QTMAN: variants seen among roughly 807,000 people sequenced by gnomAD.
QTMAN encodes the protein tRNA-queuosine alpha-mannosyltransferase.
At chr2:143,974,242 A>G in the QTMAN span, among the ~76,000 whole-genome samples, 2 of 152,204 alleles carry the variant, frequency 1.3e-5, no homozygotes. Flanking sequence ...CACTGCTGGT[A>G]GGAATATAAA....
chr2:144,267,391 A>T, the QTMAN span, among the ~76,000 whole-genome samples: 1 of 152,216 alleles, frequency 6.6e-6, no homozygotes, highest in African/African-American at 2.4e-5. Context: ...CTGAAAAGCC[A>T]AGGTCATGTG....
the QTMAN span, chr2:144,141,905 G>T: frequency 3.7e-6 from 6 of 1,610,774 alleles, no homozygotes; most frequent in African/African-American, 6.7e-5. Flanking sequence ...GAAACCTGAT[G>T]GGAAAGTAAA....
At chr2:144,290,748 C>A in the QTMAN span, among the ~76,000 whole-genome samples, 2 of 152,142 alleles carry the variant, frequency 1.3e-5, no homozygotes, top group Non-Finnish European at 2.9e-5. Context: ...ATGGCTTATT[C>A]CCTCACCTCC....
chr2:144,164,280 T>C, the QTMAN span, among the ~76,000 whole-genome samples: 15 of 152,016 alleles, frequency 9.9e-5, no homozygotes, highest in Non-Finnish European at 2.1e-4. Context: ...TATTTCCTCA[T>C]GTGATAAATG....
At chr2:144,325,412 A>T in the QTMAN span, among the ~76,000 whole-genome samples, 1 of 152,198 alleles carries the variant, frequency 6.6e-6, no homozygotes, top group Non-Finnish European at 1.5e-5. Flanking sequence ...AAGAAAAAAC[A>T]AAACTATAGA....
At chr2:143,982,236 CTT>C in the QTMAN span, among the ~76,000 whole-genome samples, 8 of 145,978 alleles carry the variant, frequency 5.5e-5, no homozygotes, top group Admixed American at 5.5e-4. Flanking sequence ...CTTTCTTTCT[CTT>C]TTTTTTTTTG....
chr2:144,172,027 T>A, the QTMAN span, among the ~76,000 whole-genome samples: 1 of 152,112 alleles, frequency 6.6e-6, no homozygotes. Flanking sequence ...TTTCATGACA[T>A]AATATGAAAT....
At chr2:144,208,287 A>C in the QTMAN span, among the ~76,000 whole-genome samples, 1 of 152,166 alleles carries the variant, frequency 6.6e-6, no homozygotes, top group Admixed American at 6.5e-5. Flanking sequence ...AGATACAATG[A>C]ACCAAACTAG....
the QTMAN span, among the ~76,000 whole-genome samples, chr2:144,252,596 A>C: frequency 6.6e-5 from 10 of 152,208 alleles, no homozygotes; most frequent in Non-Finnish European, 1.5e-4. Context: ...ACCAATTACT[A>C]AAGACAATGT....
At chr2:144,241,029 A>G in the QTMAN span, among the ~76,000 whole-genome samples, 16 of 152,190 alleles carry the variant, frequency 1.1e-4, no homozygotes, top group East Asian at 7.7e-4. Flanking sequence ...GGTTTCATCA[A>G]TAATTTATAG....
the QTMAN span, among the ~76,000 whole-genome samples, chr2:144,051,553 G>C: frequency 6.6e-6 from 1 of 152,074 alleles, no homozygotes; most frequent in Non-Finnish European, 1.5e-5. Context: ...GCATTTTCCT[G>C]ATCGCTACTA....
chr2:144,042,069 A>T, the QTMAN span, among the ~76,000 whole-genome samples: 1 of 152,118 alleles, frequency 6.6e-6, no homozygotes, highest in Non-Finnish European at 1.5e-5. Context: ...TGCTATAGAC[A>T]ATTCTCTATG....
the QTMAN span, among the ~76,000 whole-genome samples, chr2:144,321,270 T>C: frequency 1.3e-5 from 2 of 152,200 alleles, no homozygotes; most frequent in Non-Finnish European, 2.9e-5. Flanking sequence ...ACGCCTCTCT[T>C]GCTGTCACTA....
At chr2:144,309,652 G>A in the QTMAN span, among the ~76,000 whole-genome samples, 1 of 152,196 alleles carries the variant, frequency 6.6e-6, no homozygotes, top group Non-Finnish European at 1.5e-5. Context: ...AAGTGATGGA[G>A]ATGTTCTGTA....
the QTMAN span, among the ~76,000 whole-genome samples, chr2:144,044,302 T>A: frequency 6.6e-6 from 1 of 152,226 alleles, no homozygotes; most frequent in Non-Finnish European, 1.5e-5. Context: ...CATGCAAGCA[T>A]ACTTTTGTAG....
At chr2:144,173,317 G>A in the QTMAN span, among the ~76,000 whole-genome samples, 1 of 152,018 alleles carries the variant, frequency 6.6e-6, no homozygotes, top group African/African-American at 2.4e-5. Flanking sequence ...CTAAACTGTA[G>A]AATACAGAAA....
At chr2:144,225,773 G>A in the QTMAN span, among the ~76,000 whole-genome samples, 3 of 152,248 alleles carry the variant, frequency 2.0e-5, no homozygotes, top group South Asian at 2.1e-4. Flanking sequence ...AAGTAATTAC[G>A]CTTTCCTCTG....
chr2:144,090,897 A>C, the QTMAN span, among the ~76,000 whole-genome samples: 8 of 152,064 alleles, frequency 5.3e-5, no homozygotes, highest in Non-Finnish European at 1.2e-4. Context: ...AGCCAAAGCA[A>C]AGTTAAAAAG....
chr2:144,189,750 G>A, the QTMAN span, among the ~76,000 whole-genome samples: 1 of 151,998 alleles, frequency 6.6e-6, no homozygotes, highest in Admixed American at 6.6e-5. Context: ...CTCCCAAGTA[G>A]CTGGGATTAC....
Sources: allele counts gnomAD v4.1 joint callset (sites outside exome capture counted in the v4.1 genomes callset), GRCh38; gene constraint gnomAD v4.1.1; transcripts MANE v1.5; gene names NCBI Gene and HGNC (gene_info 2026-07-23, HGNC 2026-07-21).